NECAB2: variants seen among roughly 807,000 people sequenced by gnomAD.
NECAB2 encodes the protein N-terminal EF-hand calcium-binding protein 2.
In NECAB2, 68 loss-of-function variants were observed where a neutral mutation model predicts 51.9. That is an observed-to-expected ratio of 1.31 (90% CI 1.08 to 1.60). The LOEUF (loss-of-function observed/expected upper bound fraction) is 1.60, where lower values mean the gene tolerates loss of function less well. Among genes scored for constraint, NECAB2 ranks in the 40% most tolerant of loss-of-function variants. The pLI is 0.00. For missense variants in NECAB2, 854 were observed against 490.3 expected (o/e 1.74, Z -7.00); for synonymous variants, 329 against 203.5 (o/e 1.62, Z -5.25).
At chr16:83,981,173 C>A (rs60683281) in intron 5 of NECAB2, 46 bp downstream of exon 5, 211,758 of 1,527,166 alleles carry the variant, frequency 0.14, 27,627 homozygotes, top group African/African-American at 0.7. Flanking sequence ...TCCAGTGCTG[C>A]TTCAGTTCCA....
intron 7 of NECAB2, 86 bp downstream of exon 7, chr16:83,994,506 G>A: frequency 6.3e-7 from 1 of 1,593,738 alleles, no homozygotes; most frequent in East Asian, 2.2e-5. Flanking sequence ...CTGGGGAGAT[G>A]AGCAAGTTTG....
Position 84,002,355 on chromosome 16 carries a change from C to A in NECAB2, c.*9C>A. ...CGGTGGGACGGGACTGACAGCCTCC[C>A]AGAGGCCCGTGGAGGAGCCCACCAG... On this transcript the variant is annotated 3_prime_UTR_variant, in exon 13 of 13. Coordinates refer to ENST00000305202, the MANE Select transcript of NECAB2 (RefSeq NM_019065.3). 6.2e-7 allele frequency: 1 copy of A among 1,613,892 alleles called. No individual in the cohort carries two copies. Among genetic ancestry groups the A allele is most frequent in the East Asian group, 2.2e-5 (1 of 44,858 alleles).
Position 84,001,903 on chromosome 16 carries a change from G to C in NECAB2, c.1119G>C (p.Arg373Ser), listed in dbSNP as rs544369734. Residue 373 changes from arginine to serine, a missense_variant, in exon 12 of 13, where the codon AGG becomes AGC. Arg to Ser is a moderately radical substitution (Grantham distance 110, BLOSUM62 -1). Coordinates refer to ENST00000305202, the MANE Select transcript of NECAB2 (RefSeq NM_019065.3). ...TGAGCCAGCCTGAGGCCCTCTCCAG[G>C]ATCTTGGTGCCAGGTAGGGGGCAAA... is the stretch of plus-strand genomic sequence containing the variant. The part of the protein sequence containing the change: ...DTLSQPEALS[R>S]ILVPAAWCTV... 12 of 1,614,004 alleles carry C rather than the reference G, an allele frequency of 7.4e-6. No homozygotes were observed. The highest frequency in any genetic ancestry group is 2.2e-5 in the South Asian group (2 of 91,070).
chr16:83,965,625 C>T (rs367648677), upstream of NECAB2: 33 of 1,613,086 alleles, frequency 2.0e-5, no homozygotes, highest in East Asian at 4.5e-5. Flanking sequence ...TCCATCCTGT[C>T]GCCCAGCCCC....
intron 5 of NECAB2, among the ~76,000 whole-genome samples, chr16:83,981,380 AG>A (rs1282169109): frequency 7.2e-6 from 1 of 139,134 alleles, no homozygotes; most frequent in African/African-American, 2.7e-5. Context: ...GGCCTTAGAA[AG>A]GGTGGCCGCA....
At chr16:83,998,498 G>A (rs1450399849) in intron 10 of NECAB2, among the ~76,000 whole-genome samples, 181 bp downstream of exon 10, 1 of 152,166 alleles carries the variant, frequency 6.6e-6, no homozygotes, top group African/African-American at 2.4e-5. Context: ...CCAAGCAAAT[G>A]TGGCAGGTGT....
chr16:83,989,403 AGTCT>A (rs2084593978), intron 5 of NECAB2, among the ~76,000 whole-genome samples: 1 of 152,032 alleles, frequency 6.6e-6, no homozygotes, highest in African/African-American at 2.4e-5. Context: ...TCTGTTTCTC[AGTCT>A]GTCTGTCAGC....
intron 9 of NECAB2, among the ~76,000 whole-genome samples, chr16:83,997,756 G>A (rs2084735514): frequency 6.6e-6 from 1 of 152,168 alleles, no homozygotes; most frequent in South Asian, 2.1e-4. Context: ...GCCTCCTAAA[G>A]TGCTGAGATT....
chr16:83,994,622 A>G lies in NECAB2; in HGVS notation c.729A>G (p.Ala243=), dbSNP rs369354618. Reference sequence around the variant, plus strand: ...TCTCTACCGCAGCCACGGAGGATGCAAAGGAAGAGGGTCTGGAAGCCCAGA... The same window carrying G: ...TCTCTACCGCAGCCACGGAGGATGCGAAGGAAGAGGGTCTGGAAGCCCAGA... ...GKTLPSATED[A]KEEGLEAQIS... is the part of the protein sequence containing the mutation. The change falls in exon 8 of 13, where the codon GCA becomes GCG. Residue 243 remains alanine (A), a synonymous_variant. Coordinates refer to ENST00000305202, the MANE Select transcript of NECAB2 (RefSeq NM_019065.3). The G allele has an allele frequency of 3.7e-6, 6 of 1,614,030 alleles. No homozygotes were observed. The African/African-American group carries it at 4.0e-5, about 11-fold the overall frequency.
intron 10 of NECAB2, 83 bp downstream of exon 10, chr16:83,998,400 G>C (rs917478568): frequency 7.5e-7 from 1 of 1,336,416 alleles, no homozygotes; most frequent in Non-Finnish European, 1.0e-6. Context: ...ACTAGGCTTT[G>C]CCCTAAGTAG....
At chr16:83,997,320 G>T (rs1185276847) in intron 9 of NECAB2, 51 bp downstream of exon 9, 2 of 1,610,642 alleles carry the variant, frequency 1.2e-6, no homozygotes, top group South Asian at 2.2e-5. Flanking sequence ...ACCCATGCCA[G>T]GACTGCCAAG....
At chr16:83,993,153 C>G (rs1459578502) in intron 6 of NECAB2, among the ~76,000 whole-genome samples, 1 of 152,208 alleles carries the variant, frequency 6.6e-6, no homozygotes. Context: ...TCCCTGAGGA[C>G]TATCCTGTTT....
At chr16:83,969,309 C>G (rs559699484) in intron 1 of NECAB2, among the ~76,000 whole-genome samples, 71 of 152,150 alleles carry the variant, frequency 4.7e-4, no homozygotes, top group African/African-American at 1.5e-3. Context: ...TCTCTTCGCC[C>G]TAGACCCTGA....
At chr16:84,000,250 C>G (rs769449858) in intron 10 of NECAB2, among the ~76,000 whole-genome samples, 5 of 152,192 alleles carry the variant, frequency 3.3e-5, no homozygotes, top group Non-Finnish European at 7.3e-5. Flanking sequence ...GACATTTCAG[C>G]TGGGCACAGT....
chr16:83,995,198 C>T (rs1406136053), intron 8 of NECAB2, among the ~76,000 whole-genome samples: 1 of 152,208 alleles, frequency 6.6e-6, no homozygotes, highest in Non-Finnish European at 1.5e-5. Flanking sequence ...AAAACATTTT[C>T]AGATAATGTT....
At chr16:83,980,641 G>C (rs1053255327) in intron 3 of NECAB2, among the ~76,000 whole-genome samples, 198 bp from the exon 4 acceptor site, 1 of 152,144 alleles carries the variant, frequency 6.6e-6, no homozygotes, top group South Asian at 2.1e-4. Context: ...GGGTGGTGTG[G>C]GGGATCAGAC....
chr16:83,966,225 G>A (rs2084278745), upstream of NECAB2: 1 of 554,250 alleles, frequency 1.8e-6, no homozygotes, highest in Non-Finnish European at 3.2e-6. Context: ...CCTAGACCTG[G>A]GATTTGTGGG....
chr16:83,998,492 G>A (rs1277555130), intron 10 of NECAB2, among the ~76,000 whole-genome samples, 175 bp downstream of exon 10: 1 of 152,178 alleles, frequency 6.6e-6, no homozygotes, highest in Non-Finnish European at 1.5e-5. Context: ...TCCCAGCCAA[G>A]CAAATGTGGC....
At chr16:83,978,606 G>C in intron 3 of NECAB2, 54 bp downstream of exon 3, 1 of 1,449,154 alleles carries the variant, frequency 6.9e-7, no homozygotes, top group Non-Finnish European at 9.6e-7. Context: ...TGTGGTGGAG[G>C]CATCTTTTCA....
Sources: allele counts gnomAD v4.1 joint callset (sites outside exome capture counted in the v4.1 genomes callset), GRCh38; gene constraint gnomAD v4.1.1; transcripts MANE v1.5; gene names NCBI Gene and HGNC (gene_info 2026-07-23, HGNC 2026-07-21).